ATP2B3: variants seen among roughly 807,000 people sequenced by gnomAD.
The protein encoded by ATP2B3 is ATPase plasma membrane Ca2+ transporting 3.
A neutral mutation model predicts 70.8 loss-of-function variants in ATP2B3; 12 were observed. The ratio of observed to expected loss-of-function variants is 0.17; its 90% confidence interval spans 0.11 to 0.27. The LOEUF is 0.27. ATP2B3 is among the 10% of genes least tolerant of loss of function. The pLI, the probability that ATP2B3 is intolerant of heterozygous loss-of-function variation, is 1.00. For missense variants in ATP2B3, 858 were observed against 1,118.5 expected (o/e 0.77, Z 3.32); for synonymous variants, 460 against 497.8 (o/e 0.92, Z 1.01).
chrX:153,559,683 T>TC (rs2090594272), intron 17 of ATP2B3, 46 bp from the exon 18 acceptor site: 5 of 1,163,909 alleles, frequency 4.3e-6, no homozygotes, highest in African/African-American at 1.8e-5. Context: ...CCCCCAACCT[T>TC]CCCGGGCAGG....
chrX:153,534,372 C>T (rs1230147917), intron 2 of ATP2B3, among the ~76,000 whole-genome samples: 1 of 112,045 alleles, frequency 8.9e-6, no homozygotes, highest in Non-Finnish European at 1.9e-5. Flanking sequence ...CACAGCACCC[C>T]CAGAAGGAGC....
intron 3 of ATP2B3, among the ~76,000 whole-genome samples, chrX:153,538,231 G>A (rs2090223382): frequency 8.8e-6 from 1 of 113,126 alleles, no homozygotes; most frequent in African/African-American, 3.2e-5. Flanking sequence ...AGACACAAGG[G>A]CCTGAGCCAC....
At chrX:153,561,520 G>A (rs2090624161) in intron 19 of ATP2B3, among the ~76,000 whole-genome samples, 1 of 112,149 alleles carries the variant, frequency 8.9e-6, no homozygotes, top group African/African-American at 3.2e-5. Flanking sequence ...GCAGGAGGTG[G>A]GGTGTGAGAG....
At position 153,580,162 on chromosome X, in the gene ATP2B3, C is replaced by A; in HGVS notation, c.3527C>A (p.Pro1176His). 1 of 1,188,457 alleles carries A rather than the reference C, an allele frequency of 8.4e-7. No homozygotes were observed. Among genetic ancestry groups the A allele is most frequent in the Middle Eastern group, 2.3e-4 (1 of 4,309 alleles). The stretch of plus-strand genomic sequence containing the variant: ...GAGGAGCGCCTCCGGGCCCCCCCGC[C>A]CCCGTCCCCCAACCAGAACAACAAC... ...ENEERLRAPPPPSPNQNNNAI... is the reference protein window; with the variant it reads ...ENEERLRAPPHPSPNQNNNAI... Residue 1176 changes from proline to histidine, a missense_variant, in exon 22 of 22, where the codon CCC (proline) becomes CAC (histidine). Physicochemically the swap from Pro to His is moderately conservative, Grantham distance 77 (BLOSUM62 -2). Transcript: ENST00000263519.
chrX:153,575,455 C>T (rs1027986461), intron 21 of ATP2B3, among the ~76,000 whole-genome samples: 2 of 112,299 alleles, frequency 1.8e-5, no homozygotes, highest in Non-Finnish European at 3.8e-5. Context: ...TGGGATGTGC[C>T]GGAGGCTGAG....
At chrX:153,561,954 G>C (rs1031093734) in intron 19 of ATP2B3, among the ~76,000 whole-genome samples, 181 bp from the exon 20 acceptor site, 6 of 112,621 alleles carry the variant, frequency 5.3e-5, no homozygotes, top group Non-Finnish European at 9.4e-5. Context: ...CTGGCACCCA[G>C]GGGCGCTGGG....
rs782191252 is a variant in ATP2B3 at position 153,555,897 on chromosome X, C to T, written c.2059-152C>T. On this transcript the variant is annotated intron_variant, in intron 13 of 21. Transcript: ENST00000263519. ...ATGCTTTTGCCCAACTGTAGGCTAACACAAGTGTTCTGAGCACGTGAATCG... is the reference window on the plus strand; with the variant it reads ...ATGCTTTTGCCCAACTGTAGGCTAATACAAGTGTTCTGAGCACGTGAATCG... 63 of 608,625 alleles carry T rather than the reference C, an allele frequency of 1.0e-4. No individual in the cohort carries two copies. The South Asian group carries it at 1.6e-3, about 16-fold the overall frequency. The allele number at this position is 608,625 out of a possible 1,213,427, so 50.2% of individuals were successfully genotyped here. A position where few individuals can be genotyped will look rare whatever the true frequency, so the allele number is the denominator to read the frequency against.
intron 20 of ATP2B3, among the ~76,000 whole-genome samples, chrX:153,562,775 T>G (rs1220229211): frequency 1.8e-5 from 2 of 112,237 alleles, no homozygotes; most frequent in Non-Finnish European, 3.8e-5. Flanking sequence ...CTTCATCAGC[T>G]CCGACTGCCA....
intron 6 of ATP2B3, 70 bp downstream of exon 6, chrX:153,542,518 C>A: frequency 1.7e-6 from 2 of 1,159,378 alleles, no homozygotes; most frequent in Non-Finnish European, 1.2e-6. Context: ...GCATCCTGTC[C>A]AGGCTGCCTG....
In ATP2B3 at chrX:153,547,024, C is replaced by T. The variant is rs964506893; in HGVS notation, c.959-811C>T. ...GAGCAGGAGGAGGCAGAGGTGATGG[C>T]GGTAGTGCCAAGAGCCCCAGTGGAT... On this transcript the variant is annotated intron_variant, in intron 8 of 21. Transcript: ENST00000263519. 3.6e-4 allele frequency among the ~76,000 whole-genome samples: 40 copies of T among 112,024 alleles called. 1 individual carries two copies. The East Asian group carries it at 5.9e-3, about 17-fold the overall frequency.
intron 2 of ATP2B3, among the ~76,000 whole-genome samples, chrX:153,521,612 A>C (rs1353271789): frequency 8.9e-6 from 1 of 111,758 alleles, no homozygotes; most frequent in African/African-American, 3.3e-5. Flanking sequence ...CACCTTATTT[A>C]AAGGGGTCCT....
chrX:153,569,955 C>A, intron 21 of ATP2B3: 1 of 447,260 alleles, frequency 2.2e-6, no homozygotes, highest in Non-Finnish European at 3.7e-6. Flanking sequence ...CGTATTCAAC[C>A]CATGGCACTT....
At position 153,517,867 on chromosome X, in the gene ATP2B3, C is replaced by G. The variant is rs1469949561; in HGVS notation, c.-255C>G. On this transcript the variant is annotated 5_prime_UTR_variant, in exon 1 of 22. Coordinates refer to ENST00000263519, the MANE Select transcript of ATP2B3 (RefSeq NM_001001344.3). ...CCGAGGCCGCGGCGGCGGCCGTGCC[C>G]ATGCCCGGGTAAGTGGTGCTCTGGG... The G allele has an allele frequency of 9.1e-6, 1 of 109,422 alleles. No individual in the cohort carries two copies. Among genetic ancestry groups the G allele is most frequent in the Non-Finnish European group, 1.9e-5 (1 of 51,886 alleles). 9.0% of individuals were successfully genotyped at this position (109,422 alleles called of 1,213,427 possible). A position where few individuals can be genotyped will look rare whatever the true frequency, so the allele number is the denominator to read the frequency against.
intron 2 of ATP2B3, among the ~76,000 whole-genome samples, chrX:153,520,210 G>A (rs916043738): frequency 2.7e-5 from 3 of 112,671 alleles, no homozygotes. Context: ...ATGCAGCCAC[G>A]GAGTGCCGGG....
chrX:153,557,319 G>A (rs782725107), intron 16 of ATP2B3, among the ~76,000 whole-genome samples: 9 of 112,019 alleles, frequency 8.0e-5, no homozygotes, highest in South Asian at 7.4e-4. Flanking sequence ...GCCCACCCCC[G>A]TCCTCTCTAA....
intron 2 of ATP2B3, among the ~76,000 whole-genome samples, chrX:153,529,882 C>A (rs1400766945): frequency 8.9e-6 from 1 of 112,431 alleles, no homozygotes; most frequent in Non-Finnish European, 1.9e-5. Context: ...CATGTTGAAG[C>A]CCGTCTCAGA....
rs782727103 is a variant in ATP2B3 at position 153,550,318 on chromosome X, G to C, written c.1823+32G>C. On this transcript the variant is annotated intron_variant, in intron 12 of 21. Coordinates refer to ENST00000263519, the MANE Select transcript of ATP2B3 (RefSeq NM_001001344.3). ...GAGCAGCAGGGAGGTGCCGGGGTAC[G>C]CACGGAGTTTCTGATTCTATTGTCG... is the stretch of plus-strand genomic sequence containing the variant. 25 of 1,204,479 alleles carry C rather than the reference G, an allele frequency of 2.1e-5. No homozygotes were observed. The African/African-American group carries it at 4.2e-4, about 20-fold the overall frequency.
chrX:153,543,810 C>A (rs1036548942), intron 7 of ATP2B3, among the ~76,000 whole-genome samples: 1 of 113,167 alleles, frequency 8.8e-6, no homozygotes, highest in Admixed American at 9.2e-5. Flanking sequence ...GGCTGGGCAG[C>A]CTTGCTCTGG....
At chrX:153,523,711 TCC>T (rs5904364) in intron 2 of ATP2B3, among the ~76,000 whole-genome samples, 6 of 49,339 alleles carry the variant, frequency 1.2e-4, no homozygotes, top group Non-Finnish European at 1.9e-4. Context: ...TTTTTTTTTT[TCC>T]CTGAGACAGT....
Sources: allele counts gnomAD v4.1 joint callset (sites outside exome capture counted in the v4.1 genomes callset), GRCh38; gene constraint gnomAD v4.1.1; transcripts MANE v1.5; gene names NCBI Gene and HGNC (gene_info 2026-07-23, HGNC 2026-07-21).